Variants in PHF21A observed in about 807,000 individuals in gnomAD.
PHF21A encodes BHC80a.
In PHF21A, 11 loss-of-function variants were observed where a neutral mutation model predicts 82.5. The observed-to-expected ratio is 0.13, with a 90% CI of 0.08 to 0.22. The LOEUF is 0.22. Ranked by LOEUF, PHF21A falls within the 10% of genes least tolerant of loss-of-function variation. The probability of loss-of-function intolerance (pLI) is 1.00; values close to 1 mark genes in which losing one functional copy is unlikely to be tolerated. For missense variants in PHF21A, 579 were observed against 837.8 expected, an observed-to-expected ratio of 0.69 and a Z score of 3.81; for synonymous variants, 297 against 302.8, an observed-to-expected ratio of 0.98 and a Z score of 0.20.
At chr11:46,113,379 A>G (rs2097246293) in intron 1 of PHF21A, among the ~76,000 whole-genome samples, 1 of 152,214 alleles carries the variant, frequency 6.6e-6, no homozygotes, top group Non-Finnish European at 1.5e-5. Flanking sequence ...ATTTAGACCA[A>G]CATTTTCACA....
At position 45,933,810 on chromosome 11, in the gene PHF21A, C is replaced by T; in HGVS notation, c.*158G>A. 3.1e-6 allele frequency: 2 copies of T among 645,758 alleles called. No individual in the cohort carries two copies. The highest frequency in any genetic ancestry group is 5.0e-6 in the Non-Finnish European group (2 of 398,716). The allele number at this position is 645,758 out of a possible 1,614,324, so 40.0% of individuals were successfully genotyped here. ...AGAATAAGAAGGATCAATTGGCAAA[C>T]TCTGGTGCCACCTGGCACAAGCATC... On this transcript the variant is annotated 3_prime_UTR_variant, in exon 19 of 19. Transcript: ENST00000676320.
intron 6 of PHF21A, among the ~76,000 whole-genome samples, chr11:45,989,667 A>AAAAT (rs967770399): frequency 3.2e-4 from 48 of 149,694 alleles, no homozygotes; most frequent in African/African-American, 9.1e-4. Flanking sequence ...AAACTGTCTC[A>AAAAT]AAATAAATAA....
chr11:46,109,199 T>C (rs2097183978), intron 1 of PHF21A, among the ~76,000 whole-genome samples: 1 of 152,218 alleles, frequency 6.6e-6, no homozygotes, highest in African/African-American at 2.4e-5. Context: ...GGTTGTATCA[T>C]TTGTTACCTA....
At chr11:45,990,708 A>AT (rs1169954305) in intron 6 of PHF21A, among the ~76,000 whole-genome samples, 16 of 49,946 alleles carry the variant, frequency 3.2e-4, no homozygotes, top group Admixed American at 1.8e-3. Flanking sequence ...CAGTCCCTTG[A>AT]TTTGTTTTTT....
intron 6 of PHF21A, among the ~76,000 whole-genome samples, chr11:45,997,215 G>T (rs1354565323): frequency 6.6e-6 from 1 of 152,110 alleles, no homozygotes; most frequent in Non-Finnish European, 1.5e-5. Context: ...ATGAAACAGA[G>T]GGATTTTTTT....
At chr11:46,116,680 T>C (rs1185849389) in intron 1 of PHF21A, 1 of 152,142 alleles carries the variant, frequency 6.6e-6, no homozygotes, top group Non-Finnish European at 1.5e-5. Flanking sequence ...AACAAAAATT[T>C]AGGCCGGGCG....
intron 6 of PHF21A, among the ~76,000 whole-genome samples, chr11:46,043,432 C>T (rs1233716814): frequency 6.6e-6 from 1 of 152,150 alleles, no homozygotes; most frequent in African/African-American, 2.4e-5. Flanking sequence ...GGTTAACATA[C>T]TACCTTCTAT....
chr11:45,953,242 A>G (rs1213708509), intron 11 of PHF21A, among the ~76,000 whole-genome samples: 4 of 152,224 alleles, frequency 2.6e-5, no homozygotes, highest in Non-Finnish European at 4.4e-5. Context: ...GCTCATCTTA[A>G]CATTTCAAAT....
intron 4 of PHF21A, among the ~76,000 whole-genome samples, chr11:46,083,085 GT>G (rs1336319701): frequency 4.6e-5 from 7 of 151,462 alleles, no homozygotes; most frequent in African/African-American, 1.7e-4. Flanking sequence ...ACACCTCTAT[GT>G]TAAACTAATT....
intron 1 of PHF21A, among the ~76,000 whole-genome samples, chr11:46,099,308 C>T (rs1024454562): frequency 5.3e-5 from 8 of 152,118 alleles, no homozygotes; most frequent in South Asian, 2.1e-4. Flanking sequence ...GCTTTAAACA[C>T]AGAAGAAAAC....
chr11:45,935,039 T>C, intron 18 of PHF21A: 1 of 1,102,362 alleles, frequency 9.1e-7, no homozygotes, highest in South Asian at 1.3e-5. Context: ...GACTGGCTCC[T>C]TGCCTGGGAG....
At position 46,051,528 on chromosome 11, in the gene PHF21A, C is replaced by G. The variant is rs572308135; in HGVS notation, c.153+25226G>C. Among the ~76,000 whole-genome samples, 21 of 152,224 alleles carry G rather than the reference C, an allele frequency of 1.4e-4. No homozygotes were observed. In the East Asian group the frequency reaches 3.9e-3, roughly 28 times the overall value. On this transcript the variant is annotated intron_variant, in intron 6 of 18. Transcript: ENST00000676320. Reference sequence around the variant, plus strand: ...CGAGAGATAAATGGGTTGAAATTGCCTAAGGAAACCTCAAACAGAGTACTC... The same window carrying G: ...CGAGAGATAAATGGGTTGAAATTGCGTAAGGAAACCTCAAACAGAGTACTC...
intron 6 of PHF21A, among the ~76,000 whole-genome samples, chr11:45,994,536 G>C (rs1324898883): frequency 1.3e-5 from 2 of 152,198 alleles, no homozygotes; most frequent in Non-Finnish European, 2.9e-5. Flanking sequence ...TGCTGTGTAA[G>C]TGACGCAGCC....
chr11:46,115,481 T>C (rs2097277470), intron 1 of PHF21A, among the ~76,000 whole-genome samples: 1 of 152,148 alleles, frequency 6.6e-6, no homozygotes, highest in Admixed American at 6.5e-5. Flanking sequence ...TAAGAAATAA[T>C]TATCTACAAT....
chr11:46,076,847 GA>G (rs748023209), intron 5 of PHF21A, 28 bp from the exon 6 acceptor site: 6 of 1,547,200 alleles, frequency 3.9e-6, no homozygotes, highest in Non-Finnish European at 4.5e-6. Flanking sequence ...ATATCTGTGA[GA>G]AAGATATTTC....
chr11:45,981,630 T>C (rs2094291450), intron 6 of PHF21A, among the ~76,000 whole-genome samples: 1 of 152,080 alleles, frequency 6.6e-6, no homozygotes, highest in Non-Finnish European at 1.5e-5. Flanking sequence ...AGAGGTGTGC[T>C]ATTTCTGATA....
intron 4 of PHF21A, among the ~76,000 whole-genome samples, chr11:46,083,797 CTT>C (rs1223302584): frequency 6.6e-6 from 1 of 152,148 alleles, no homozygotes; most frequent in Non-Finnish European, 1.5e-5. Context: ...TCTGTAAAAA[CTT>C]TAGTACATAT....
rs923544152 is a variant in PHF21A, at chr11:46,014,988, A to T, written c.154-35022T>A. On this transcript the variant is annotated intron_variant, in intron 6 of 18. Transcript: ENST00000676320. ...GAGCGAGACTCCGTCTCAAAAAAAA[A>T]AAAAAATAAAAATAAAAAAATAAAA... 8.6e-5 allele frequency among the ~76,000 whole-genome samples: 4 copies of T among 46,580 alleles called. 2 individuals carry two copies. Among genetic ancestry groups the T allele is most frequent in the African/African-American group, 5.5e-4 (2 of 3,628 alleles). The allele number at this position is 46,580 out of a possible 152,430, so 30.6% of individuals were successfully genotyped here.
chr11:45,983,236 T>G, intron 6 of PHF21A, among the ~76,000 whole-genome samples: 1 of 151,406 alleles, frequency 6.6e-6, no homozygotes, highest in Admixed American at 6.6e-5. Flanking sequence ...CGTGGAAGCT[T>G]GGGGTGGGGG....
Sources: allele counts gnomAD v4.1 joint callset (sites outside exome capture counted in the v4.1 genomes callset), GRCh38; gene constraint gnomAD v4.1.1; transcripts MANE v1.5; gene names NCBI Gene and HGNC (gene_info 2026-07-23, HGNC 2026-07-21).